MYLK3: variants seen among roughly 807,000 people sequenced by gnomAD.
MYLK3 encodes the protein MLC kinase.
In MYLK3, 55 loss-of-function variants were observed where a neutral mutation model predicts 76.3. The observed-to-expected ratio is 0.72, with a 90% CI of 0.58 to 0.90. The LOEUF is 0.90. Among genes scored for constraint, MYLK3 ranks in the 40% least tolerant of loss-of-function variants. The pLI is 0.00. For missense variants in MYLK3, 973 were observed against 1,053.6 expected (o/e 0.92, Z 1.06); for synonymous variants, 416 against 425.4 (o/e 0.98, Z 0.27).
intron 1 of MYLK3, among the ~76,000 whole-genome samples, chr16:46,747,415 T>G (rs1052474042): frequency 2.6e-5 from 4 of 152,142 alleles, no homozygotes; most frequent in African/African-American, 7.2e-5. Flanking sequence ...GTCAGAGAAG[T>G]GTGGTGGTCC....
In MYLK3 at chr16:46,707,725, C is replaced by T; in HGVS notation, c.2439G>A (p.Arg813=). 6.2e-7 allele frequency: 1 copy of T among 1,613,268 alleles called. No homozygotes were observed. The highest frequency in any genetic ancestry group is 8.5e-7 in the Non-Finnish European group (1 of 1,179,322). ...AAGATTAGGGAGAAGTTGGAAATTT[C>T]CTTAACCTGTTGGCAGCAGTCACCA... is the stretch of plus-strand genomic sequence containing the variant. ...FYVVTAANRL[R]KFPTSP The change falls in exon 13 of 13, where the codon AGG becomes AGA. Residue 813 remains arginine (R), a synonymous_variant. Transcript: ENST00000394809.
chr16:46,735,519 A>G (rs760673442), intron 3 of MYLK3, among the ~76,000 whole-genome samples: 60 of 152,150 alleles, frequency 3.9e-4, no homozygotes, highest in Admixed American at 1.4e-3. Context: ...TTTTATCCCA[A>G]TTTTTTAAAA....
intron 12 of MYLK3, among the ~76,000 whole-genome samples, chr16:46,708,399 G>A (rs1966649203): frequency 6.6e-6 from 1 of 152,180 alleles, no homozygotes; most frequent in Non-Finnish European, 1.5e-5. Context: ...ATAAAACCAA[G>A]TGGCACAGAA....
rs567390730 is a variant in MYLK3 at position 46,707,075 on chromosome 16, T to G, written c.*629A>C. The G allele has an allele frequency of 6.6e-6, 1 of 152,238 alleles. No homozygotes were observed. Among genetic ancestry groups the G allele is most frequent in the South Asian group, 2.1e-4 (1 of 4,826 alleles). The allele number at this position is 152,238 out of a possible 1,614,324, so 9.4% of individuals were successfully genotyped here. ...ACAGAGGGGTTAAGACAGGCAGAAT[T>G]AGGAGAGAGGTGGAGGTGTGTGGAG... On this transcript the variant is annotated 3_prime_UTR_variant, in exon 13 of 13. Coordinates refer to ENST00000394809, the MANE Select transcript of MYLK3 (RefSeq NM_182493.3).
intron 3 of MYLK3, 137 bp downstream of exon 3, chr16:46,737,574 G>C (rs1233230505): frequency 3.0e-5 from 24 of 795,368 alleles, no homozygotes; most frequent in Non-Finnish European, 4.6e-5. Context: ...CCAGAGGCAG[G>C]GCCCAGGCCT....
upstream of MYLK3, among the ~76,000 whole-genome samples, chr16:46,750,274 A>G (rs1374707987): frequency 6.6e-6 from 1 of 152,134 alleles, no homozygotes; most frequent in Non-Finnish European, 1.5e-5. Flanking sequence ...TGGTGCCCAT[A>G]ATTTTTGTGG....
intron 12 of MYLK3, among the ~76,000 whole-genome samples, chr16:46,708,911 G>A (rs1253334577): frequency 6.6e-6 from 1 of 152,176 alleles, no homozygotes; most frequent in Non-Finnish European, 1.5e-5. Flanking sequence ...CAAGCTCTAA[G>A]CAGTTAGTTC....
At chr16:46,738,609 G>GT (rs1208116915) in intron 2 of MYLK3, among the ~76,000 whole-genome samples, 1 of 152,210 alleles carries the variant, frequency 6.6e-6, no homozygotes, top group Non-Finnish European at 1.5e-5. Context: ...TGAATATACT[G>GT]TAAGTGAAAG....
At chr16:46,709,871 C>T (rs931429084) in intron 11 of MYLK3, among the ~76,000 whole-genome samples, 200 bp from the exon 12 acceptor site, 1 of 152,198 alleles carries the variant, frequency 6.6e-6, no homozygotes, top group Non-Finnish European at 1.5e-5. Context: ...GCAAAATGTT[C>T]TCTGACCTCT....
At chr16:46,762,249 A>T (rs990895682) in intron 1 of MYLK3, among the ~76,000 whole-genome samples, 6 of 152,226 alleles carry the variant, frequency 3.9e-5, no homozygotes, top group African/African-American at 1.4e-4. Flanking sequence ...GAAAATATAC[A>T]TGTATGTATG....
chr16:46,708,554 A>C (rs1966650622), intron 12 of MYLK3, among the ~76,000 whole-genome samples: 1 of 152,134 alleles, frequency 6.6e-6, no homozygotes. Flanking sequence ...TCCTGAACTC[A>C]AGTGATCCTC....
At chr16:46,719,320 C>T (rs1463692186) in intron 9 of MYLK3, among the ~76,000 whole-genome samples, 2 of 144,902 alleles carry the variant, frequency 1.4e-5, no homozygotes, top group Admixed American at 7.0e-5. Context: ...GCATGAGACT[C>T]GGTCTCAAAA....
At chr16:46,721,414 G>A (rs886877878) in intron 8 of MYLK3, among the ~76,000 whole-genome samples, 1 of 152,180 alleles carries the variant, frequency 6.6e-6, no homozygotes, top group African/African-American at 2.4e-5. Flanking sequence ...CCTGTGTAAA[G>A]GGACAGCACT....
At chr16:46,708,589 G>C (rs1966651082) in intron 12 of MYLK3, among the ~76,000 whole-genome samples, 1 of 152,094 alleles carries the variant, frequency 6.6e-6, no homozygotes, top group Non-Finnish European at 1.5e-5. Flanking sequence ...CAAATAGCTG[G>C]AACTATAGGT....
At chr16:46,756,462 G>C (rs1967201982) in intron 1 of MYLK3, among the ~76,000 whole-genome samples, 1 of 152,174 alleles carries the variant, frequency 6.6e-6, no homozygotes, top group African/African-American at 2.4e-5. Flanking sequence ...CAAAGAAACA[G>C]CTTCAACGTG....
intron 1 of MYLK3, among the ~76,000 whole-genome samples, chr16:46,759,308 C>T (rs376005557): frequency 6.6e-6 from 1 of 152,200 alleles, no homozygotes; most frequent in Non-Finnish European, 1.5e-5. Context: ...CAAAAAAGCA[C>T]CCCCTGAAGC....
rs1209556503 is a variant in MYLK3 at position 46,732,406 on chromosome 16, C to T, written c.1264G>A (p.Ala422Thr). 1.2e-6 allele frequency: 2 copies of T among 1,613,572 alleles called. No individual in the cohort carries two copies. The highest frequency in any genetic ancestry group is 2.2e-5 in the South Asian group (2 of 91,092). Residue 422 changes from alanine (A) to threonine (T), a missense_variant, in exon 4 of 13, where the codon GCC (alanine) becomes ACC (threonine). Transcript: ENST00000394809. ...VKAEEEQRAG[A>T]EPGTRPSLAR... is the part of the protein sequence containing the mutation. ...AAGCTTGGTCTCGTGCCAGGCTCGG[C>T]CCCAGCCCTTTGCTCCTCCTCTGCC...
chr16:46,727,127 A>T, intron 8 of MYLK3, 109 bp downstream of exon 8: 1 of 1,271,930 alleles, frequency 7.9e-7, no homozygotes, highest in Non-Finnish European at 1.1e-6. Flanking sequence ...AATGACAGAG[A>T]GCCAGGAATG....
chr16:46,737,855 T>A lies in MYLK3; in HGVS notation c.857A>T (p.Gln286Leu), dbSNP rs1352459868. 2 of 1,613,922 alleles carry A rather than the reference T, an allele frequency of 1.2e-6. No individual in the cohort carries two copies. The highest frequency in any genetic ancestry group is 1.7e-6 in the Non-Finnish European group (2 of 1,180,034). The change falls in exon 3 of 13, where the codon CAA becomes CTA. Residue 286 changes from glutamine (Q) to leucine (L), a missense_variant. Coordinates refer to ENST00000394809, the MANE Select transcript of MYLK3 (RefSeq NM_182493.3). ...GTCAGGCCTGCTGGACGATGCTCCT[T>A]GTCCTGCACCTGGTGCAACCTCCAG... ...PSLEVAPGAGQGASSSRPDPE... is the reference protein window; with the variant it reads ...PSLEVAPGAGLGASSSRPDPE...
Sources: allele counts gnomAD v4.1 joint callset (sites outside exome capture counted in the v4.1 genomes callset), GRCh38; gene constraint gnomAD v4.1.1; transcripts MANE v1.5; gene names NCBI Gene and HGNC (gene_info 2026-07-23, HGNC 2026-07-21).